The following GAS7 variants were observed in gnomAD, a reference collection of about 807,000 sequenced individuals.
The protein encoded by GAS7 is growth arrest specific 7.
GAS7 carries 28 observed loss-of-function variants against 71.1 expected under a neutral mutation model. The ratio of observed to expected loss-of-function variants is 0.39; its 90% confidence interval spans 0.29 to 0.54. The LOEUF (loss-of-function observed/expected upper bound fraction) is 0.54. Ranked by LOEUF, GAS7 falls within the 20% of genes least tolerant of loss-of-function variation. GAS7 has a pLI of 0.62. For missense variants in GAS7, 436 were observed against 627.8 expected (o/e 0.69, Z 3.27); for synonymous variants, 258 against 245.8 (o/e 1.05, Z -0.46).
At chr17:9,961,191 C>T (rs957188168) in intron 4 of GAS7, among the ~76,000 whole-genome samples, 4 of 152,190 alleles carry the variant, frequency 2.6e-5, no homozygotes, top group Admixed American at 6.5e-5. Context: ...TCCTGGCCAA[C>T]GTCAACTTTA....
intron 1 of GAS7, among the ~76,000 whole-genome samples, chr17:10,049,682 G>A (rs1334481406): frequency 3.8e-5 from 5 of 132,766 alleles, no homozygotes; most frequent in South Asian, 4.8e-4. Flanking sequence ...GTGCAGTGGC[G>A]CGATCTTGGC....
intron 1 of GAS7, among the ~76,000 whole-genome samples, chr17:10,129,459 C>T (rs188697538): frequency 2.0e-5 from 3 of 151,998 alleles, no homozygotes; most frequent in African/African-American, 2.4e-5. Context: ...TGTTTGAGAC[C>T]GGAAGGTCAA....
intron 1 of GAS7, among the ~76,000 whole-genome samples, chr17:10,126,488 A>G (rs909358305): frequency 6.7e-6 from 1 of 149,508 alleles, no homozygotes; most frequent in African/African-American, 2.5e-5. Flanking sequence ...ACTCACACCC[A>G]CTCACATACA....
chr17:10,039,637 C>A (rs746647407), intron 1 of GAS7: 10 of 417,498 alleles, frequency 2.4e-5, no homozygotes, highest in South Asian at 1.7e-4. Flanking sequence ...GAGCCAAGAT[C>A]ATGCCACTGC....
chr17:9,979,677 C>A (rs907091690), intron 3 of GAS7, among the ~76,000 whole-genome samples: 2 of 152,064 alleles, frequency 1.3e-5, no homozygotes, highest in South Asian at 2.1e-4. Context: ...GGGCAGGCTG[C>A]GAGTCACACG....
chr17:10,123,796 A>AG (rs2073923364), intron 1 of GAS7, among the ~76,000 whole-genome samples: 1 of 152,174 alleles, frequency 6.6e-6, no homozygotes, highest in Non-Finnish European at 1.5e-5. Context: ...AGGTAAGAGG[A>AG]GGGGCGCAGC....
At chr17:9,951,115 G>A (rs1054673094) in intron 5 of GAS7, among the ~76,000 whole-genome samples, 1 of 152,162 alleles carries the variant, frequency 6.6e-6, no homozygotes, top group African/African-American at 2.4e-5. Flanking sequence ...CTGCCAAGCA[G>A]GCAATCATGA....
At chr17:10,088,197 G>A (rs2073540986) in intron 1 of GAS7, among the ~76,000 whole-genome samples, 1 of 146,826 alleles carries the variant, frequency 6.8e-6, no homozygotes, top group Non-Finnish European at 1.5e-5. Flanking sequence ...CTCCAGCCGG[G>A]GCAACAGAGC....
At chr17:9,977,508 G>C (rs1427620733) in intron 3 of GAS7, among the ~76,000 whole-genome samples, 1 of 152,140 alleles carries the variant, frequency 6.6e-6, no homozygotes, top group Non-Finnish European at 1.5e-5. Context: ...TTCAATATTT[G>C]CAGCAGTTAC....
chr17:10,158,542 T>A lies in GAS7; in HGVS notation c.183+39666A>T, dbSNP rs140172882. Reference sequence around the variant, plus strand: ...ACTGTATGTAAGTTAATGCTCTGTATACTGAACTCCTTAGAATGAAGTATA... The same window carrying A: ...ACTGTATGTAAGTTAATGCTCTGTAAACTGAACTCCTTAGAATGAAGTATA... On this transcript the variant is annotated intron_variant, in intron 1 of 13. Coordinates refer to ENST00000432992, the MANE Select transcript of GAS7 (RefSeq NM_201433.2). Among the ~76,000 whole-genome samples the A allele has an allele frequency of 8.3e-3, 1,270 of 152,138 alleles. 46 individuals carry two copies. The highest frequency in any genetic ancestry group is 0.058 in the Admixed American group (889 of 15,286).
intron 1 of GAS7, among the ~76,000 whole-genome samples, chr17:10,144,400 A>G (rs1404087345): frequency 4.6e-5 from 7 of 152,222 alleles, no homozygotes; most frequent in African/African-American, 1.4e-4. Flanking sequence ...ACAGGCCCCA[A>G]GAGGCATTTT....
intron 2 of GAS7, among the ~76,000 whole-genome samples, chr17:10,011,054 A>T (rs544199680): frequency 1.8e-4 from 27 of 152,372 alleles, no homozygotes; most frequent in Non-Finnish European, 3.1e-4. Flanking sequence ...TCCTAGGATG[A>T]TTATGAAGCA....
intron 1 of GAS7, among the ~76,000 whole-genome samples, chr17:10,025,145 G>A (rs1022722371): frequency 1.3e-5 from 2 of 152,152 alleles, no homozygotes; most frequent in East Asian, 3.8e-4. Flanking sequence ...ACTCATGCCT[G>A]TAATCCCAGT....
rs2074399855 is a variant in GAS7 at position 10,179,709 on chromosome 17, G to A, written c.183+18499C>T. Among the ~76,000 whole-genome samples, 7 of 152,208 alleles carry A rather than the reference G, an allele frequency of 4.6e-5. No individual in the cohort carries two copies. The South Asian group carries it at 1.5e-3, about 32-fold the overall frequency. On this transcript the variant is annotated intron_variant, in intron 1 of 13. Transcript: ENST00000432992. ...ACAGTGCTAAAACCAGACAAACAGG[G>A]ACCTGATGGTGCTAAAACCAGACAA...
chr17:10,012,540 G>A (rs1437922555), intron 2 of GAS7, among the ~76,000 whole-genome samples: 4 of 152,082 alleles, frequency 2.6e-5, no homozygotes, highest in African/African-American at 7.2e-5. Flanking sequence ...TGCCCACCTC[G>A]GCTTCCCAAA....
chr17:9,947,842 A>C (rs1026318251), intron 5 of GAS7, among the ~76,000 whole-genome samples: 1 of 151,898 alleles, frequency 6.6e-6, no homozygotes, highest in African/African-American at 2.4e-5. Flanking sequence ...ACAAAAAAAA[A>C]AAAAAAGCAA....
At position 9,927,983 on chromosome 17, in the gene GAS7, G is replaced by A. The variant is rs145684973; in HGVS notation, c.886-1214C>T. On this transcript the variant is annotated intron_variant, in intron 9 of 13. Coordinates refer to ENST00000432992, the MANE Select transcript of GAS7 (RefSeq NM_201433.2). The stretch of plus-strand genomic sequence containing the variant: ...TTTATGCTGTCAGAAGAGCTGGGTG[G>A]CATCAGGGTTTTAAGCTTTTTTCTT... Among the ~76,000 whole-genome samples, 390 of 152,204 alleles carry A rather than the reference G, an allele frequency of 2.6e-3. 6 individuals are homozygous for A. Among genetic ancestry groups the A allele is most frequent in the African/African-American group, 9.1e-3 (376 of 41,538 alleles).
intron 4 of GAS7, among the ~76,000 whole-genome samples, chr17:9,966,361 C>T (rs1434325009): frequency 2.0e-5 from 3 of 152,058 alleles, no homozygotes; most frequent in Non-Finnish European, 4.4e-5. Context: ...AAGCAGGGGG[C>T]GGAAAGAGAT....
At position 9,926,804 on chromosome 17, in the gene GAS7, A is replaced by G. The variant is rs1401926122; in HGVS notation, c.886-35T>C. 2 of 1,613,076 alleles carry G rather than the reference A, an allele frequency of 1.2e-6. No individual in the cohort carries two copies. Among genetic ancestry groups the G allele is most frequent in the Non-Finnish European group, 1.7e-6 (2 of 1,179,288 alleles). ...GAGTAGAGACGCACACTCAGGACCC[A>G]GGGCATCAGCTGTAAGCCAGTGCAG... On this transcript the variant is annotated intron_variant, in intron 9 of 13. Transcript: ENST00000432992. This position sits in a 1 kb window ranked among gnomAD's most constrained non-coding sequence, Gnocchi z 5.0.
Sources: allele counts gnomAD v4.1 joint callset (sites outside exome capture counted in the v4.1 genomes callset), GRCh38; gene constraint gnomAD v4.1.1; non-coding constraint Gnocchi (gnomAD v3.1); transcripts MANE v1.5; gene names NCBI Gene and HGNC (gene_info 2026-07-23, HGNC 2026-07-21).